SLC12A8: variants seen among roughly 807,000 people sequenced by gnomAD.
SLC12A8 encodes the protein solute carrier family 12 member 8.
SLC12A8 carries 69 observed loss-of-function variants against 75.6 expected under a neutral mutation model. That is an observed-to-expected ratio of 0.91 (90% confidence interval 0.75 to 1.11). The LOEUF is 1.11. Ranked by LOEUF, SLC12A8 falls within the 50% of genes most tolerant of loss-of-function variation. The pLI, the probability that SLC12A8 is intolerant of heterozygous loss-of-function variation, is 0.00. For missense variants in SLC12A8, 877 were observed against 896.7 expected, an observed-to-expected ratio of 0.98 and a Z score of 0.28; for synonymous variants, 365 against 372.8, an observed-to-expected ratio of 0.98 and a Z score of 0.24.
intron 3 of SLC12A8, among the ~76,000 whole-genome samples, chr3:125,188,575 G>A (rs1032682615): frequency 1.6e-4 from 25 of 152,192 alleles, no homozygotes; most frequent in Non-Finnish European, 1.6e-4. Context: ...AGCAAGAGTC[G>A]CAGAGAGGCA....
intron 5 of SLC12A8, among the ~76,000 whole-genome samples, chr3:125,147,179 A>G (rs1933798211): frequency 6.6e-6 from 1 of 152,194 alleles, no homozygotes; most frequent in Non-Finnish European, 1.5e-5. Context: ...GGGTCAACAC[A>G]TGTTCTCATT....
chr3:125,208,783 CACACACACA>C (rs1387850789), intron 2 of SLC12A8, among the ~76,000 whole-genome samples: 2 of 111,126 alleles, frequency 1.8e-5, no homozygotes, highest in Non-Finnish European at 4.0e-5. Context: ...CACACACACA[CACACACACA>C]GAGAGAGAGA....
At chr3:125,203,069 C>G (rs1425496039) in intron 2 of SLC12A8, among the ~76,000 whole-genome samples, 1 of 86,342 alleles carries the variant, frequency 1.2e-5, no homozygotes, top group East Asian at 3.5e-4. Flanking sequence ...GCCTGGGGGA[C>G]AAGAGCGAGA....
chr3:125,193,418 CCT>C (rs1335039008), intron 2 of SLC12A8, among the ~76,000 whole-genome samples: 2 of 152,182 alleles, frequency 1.3e-5, no homozygotes, highest in Non-Finnish European at 2.9e-5. Context: ...CTCACAGATC[CCT>C]TGTCCAGGCT....
At chr3:125,160,978 T>C (rs945704543) in intron 5 of SLC12A8, among the ~76,000 whole-genome samples, 7 of 152,096 alleles carry the variant, frequency 4.6e-5, no homozygotes, top group African/African-American at 1.7e-4. Flanking sequence ...AAGTGGTTTG[T>C]TGGTTTGCCT....
At chr3:125,203,319 C>T (rs1238884742) in intron 2 of SLC12A8, among the ~76,000 whole-genome samples, 6 of 151,938 alleles carry the variant, frequency 3.9e-5, no homozygotes, top group Non-Finnish European at 8.8e-5. Context: ...GAAAGCATCA[C>T]ACTACCCAAC....
At chr3:125,175,178 A>C (rs946353186) in intron 5 of SLC12A8, among the ~76,000 whole-genome samples, 4 of 152,240 alleles carry the variant, frequency 2.6e-5, no homozygotes, top group African/African-American at 4.8e-5. Context: ...AAATAAGATA[A>C]TTTAGCCACA....
At chr3:125,200,947 A>G (rs1935108171) in intron 2 of SLC12A8, among the ~76,000 whole-genome samples, 1 of 152,184 alleles carries the variant, frequency 6.6e-6, no homozygotes, top group African/African-American at 2.4e-5. Context: ...AAAGCCTGTA[A>G]CCAGGGACAG....
intron 5 of SLC12A8, among the ~76,000 whole-genome samples, chr3:125,152,424 A>G (rs1933949699): frequency 6.6e-6 from 1 of 152,184 alleles, no homozygotes; most frequent in Non-Finnish European, 1.5e-5. Context: ...TTTACTTTAG[A>G]ATGCTTTTCA....
chr3:125,188,904 T>C (rs1337809291), intron 3 of SLC12A8, among the ~76,000 whole-genome samples: 2 of 152,238 alleles, frequency 1.3e-5, no homozygotes, highest in African/African-American at 2.4e-5. Flanking sequence ...TAGGAAGGTC[T>C]GGTCTTGCCC....
chr3:125,203,381 A>T (rs1293073146), intron 2 of SLC12A8, among the ~76,000 whole-genome samples: 2 of 152,230 alleles, frequency 1.3e-5, no homozygotes. Flanking sequence ...ATATTGGTAT[A>T]GAAACAGACA....
At position 125,177,873 on chromosome 3, in the gene SLC12A8, C is replaced by T. The variant is rs1934572540; in HGVS notation, c.492G>A (p.Val164=). Residue 164 remains valine (V), a synonymous_variant, in exon 5 of 14, where the codon GTG becomes GTA. Transcript: ENST00000469902. ...IWAVRGISVA[V]LLALLGINLA... ...GGTTAATGCCCAGCAAGGCCAGAAG[C>T]ACCGCAACTGAAATTCCTCGCACAG... 1 of 1,614,196 alleles carries T rather than the reference C, an allele frequency of 6.2e-7. No individual in the cohort carries two copies. Among genetic ancestry groups the T allele is most frequent in the Non-Finnish European group, 8.5e-7 (1 of 1,180,042 alleles).
rs951137457 is a variant in SLC12A8 at position 125,106,631 on chromosome 3, G to A, written c.1705+850C>T. On this transcript the variant is annotated intron_variant, in intron 10 of 13. Transcript: ENST00000469902. ...TGTTGGTCAGGCTGGGATTATAGACGTGAGCCACCGCGCCCGGCCAAAACA... is the reference window on the plus strand; with the variant it reads ...TGTTGGTCAGGCTGGGATTATAGACATGAGCCACCGCGCCCGGCCAAAACA... Among the ~76,000 whole-genome samples, 7 of 152,112 alleles carry A rather than the reference G, an allele frequency of 4.6e-5. No homozygotes were observed. In the East Asian group the frequency reaches 7.7e-4, roughly 17 times the overall value.
chr3:125,137,891 C>G (rs1387932857), intron 5 of SLC12A8, among the ~76,000 whole-genome samples: 1 of 152,130 alleles, frequency 6.6e-6, no homozygotes, highest in African/African-American at 2.4e-5. Context: ...GCCACATTCA[C>G]AAAGTGCACA....
intron 5 of SLC12A8, among the ~76,000 whole-genome samples, chr3:125,144,951 C>A (rs566128104): frequency 1.3e-5 from 2 of 152,326 alleles, no homozygotes; most frequent in African/African-American, 4.8e-5. Flanking sequence ...AGACCCCTTC[C>A]CCACCAAGTT....
intron 5 of SLC12A8, among the ~76,000 whole-genome samples, chr3:125,159,079 C>T (rs1376025564): frequency 6.6e-6 from 1 of 152,144 alleles, no homozygotes; most frequent in East Asian, 1.9e-4. Context: ...TATACGAATA[C>T]ACCTTTCTAA....
intron 3 of SLC12A8, 58 bp downstream of exon 3, chr3:125,190,317 G>A (rs1244525055): frequency 1.3e-6 from 2 of 1,589,922 alleles, no homozygotes; most frequent in African/African-American, 2.7e-5. Context: ...TGCAAGAGTG[G>A]CAGAGCTTTC....
At chr3:125,147,682 C>G (rs1933819381) in intron 5 of SLC12A8, among the ~76,000 whole-genome samples, 1 of 152,138 alleles carries the variant, frequency 6.6e-6, no homozygotes, top group East Asian at 1.9e-4. Flanking sequence ...GATGACTGAT[C>G]AACCCAGAGA....
In SLC12A8 at chr3:125,083,626, G is replaced by A. The variant is rs1938383419; in HGVS notation, c.*264C>T. 2.9e-6 allele frequency: 1 copy of A among 341,448 alleles called. No homozygotes were observed. The highest frequency in any genetic ancestry group is 5.5e-6 in the Non-Finnish European group (1 of 183,292). 21.2% of individuals were successfully genotyped at this position (341,448 alleles called of 1,614,324 possible). A position where few individuals can be genotyped will look rare whatever the true frequency, so the allele number is the denominator to read the frequency against. ...AATCCCAGCTACTCAGGAGGCTGAG[G>A]CAGGAGAATTGCTTGAACTCGGGAA... On this transcript the variant is annotated 3_prime_UTR_variant, in exon 14 of 14. Coordinates refer to ENST00000469902, the MANE Select transcript of SLC12A8 (RefSeq NM_024628.6).
Sources: allele counts gnomAD v4.1 joint callset (sites outside exome capture counted in the v4.1 genomes callset), GRCh38; gene constraint gnomAD v4.1.1; transcripts MANE v1.5; gene names NCBI Gene and HGNC (gene_info 2026-07-23, HGNC 2026-07-21).